FRMD4B: variants seen among roughly 807,000 people sequenced by gnomAD.
The protein encoded by FRMD4B is FERM domain containing 4B, also known as FERM domain-containing protein 4B.
A neutral mutation model predicts 141.5 loss-of-function variants in FRMD4B; 74 were observed. That is an observed-to-expected ratio of 0.52 (90% CI 0.43 to 0.63). FRMD4B has a LOEUF of 0.63. Ranked by LOEUF, FRMD4B falls within the 30% of genes least tolerant of loss-of-function variation. The pLI, the probability that FRMD4B is intolerant of heterozygous loss-of-function variation, is 0.00. For missense variants in FRMD4B, 1,366 were observed against 1,253.4 expected (o/e 1.09, Z -1.36); for synonymous variants, 506 against 467.9 (o/e 1.08, Z -1.05).
At chr3:69,351,457 T>C (rs1346315985) in intron 1 of FRMD4B, among the ~76,000 whole-genome samples, 1 of 152,196 alleles carries the variant, frequency 6.6e-6, no homozygotes, top group Non-Finnish European at 1.5e-5. Context: ...CCTAGCACTA[T>C]AGCTTTTTGT....
chr3:69,491,567 C>T (rs1178379515), intron 1 of FRMD4B, among the ~76,000 whole-genome samples: 1 of 152,118 alleles, frequency 6.6e-6, no homozygotes, highest in East Asian at 1.9e-4. Flanking sequence ...AACTTCTCTT[C>T]TGCAAAAAGA....
chr3:69,249,300 T>TAA (rs1418600527), intron 6 of FRMD4B, 52 bp from the exon 7 acceptor site: 1 of 1,272,736 alleles, frequency 7.9e-7, no homozygotes. Context: ...TTTGTTAAGC[T>TAA]AAATGAGTTT....
chr3:69,174,449 T>C (rs1333375000), intron 22 of FRMD4B, among the ~76,000 whole-genome samples: 1 of 152,188 alleles, frequency 6.6e-6, no homozygotes, highest in African/African-American at 2.4e-5. Context: ...GGGGAAAATA[T>C]GCCAAAATGT....
At chr3:69,422,385 A>G (rs1404653838) in intron 2 of FRMD4B, among the ~76,000 whole-genome samples, 2 of 151,308 alleles carry the variant, frequency 1.3e-5, no homozygotes, top group East Asian at 3.9e-4. Flanking sequence ...AGACTCTGAA[A>G]AAAAAAAAAA....
chr3:69,512,174 T>C (rs978253827), intron 1 of FRMD4B, among the ~76,000 whole-genome samples: 5 of 152,184 alleles, frequency 3.3e-5, no homozygotes, highest in Admixed American at 1.3e-4. Flanking sequence ...GAAAAGCATC[T>C]ACTCTGGCTC....
At chr3:69,336,053 T>C (rs965253238) in intron 1 of FRMD4B, among the ~76,000 whole-genome samples, 36 of 152,124 alleles carry the variant, frequency 2.4e-4, no homozygotes, top group African/African-American at 8.4e-4. Flanking sequence ...CTGAAAACTA[T>C]TGTAATACCT....
intron 1 of FRMD4B, among the ~76,000 whole-genome samples, chr3:69,443,118 T>A (rs1705364716): frequency 6.6e-6 from 1 of 152,128 alleles, no homozygotes; most frequent in African/African-American, 2.4e-5. Flanking sequence ...ACCAACCATG[T>A]GATTACAGGG....
At chr3:69,394,124 T>C (rs774215582) in intron 2 of FRMD4B, among the ~76,000 whole-genome samples, 14 of 152,226 alleles carry the variant, frequency 9.2e-5, no homozygotes, top group Non-Finnish European at 2.1e-4. Flanking sequence ...CTCACAGCTC[T>C]AGAGGCTGGG....
chr3:69,400,609 A>C (rs1054570489), intron 2 of FRMD4B, among the ~76,000 whole-genome samples: 1 of 152,214 alleles, frequency 6.6e-6, no homozygotes, highest in Non-Finnish European at 1.5e-5. Context: ...CAATCCAAGA[A>C]GGCTTTGGTG....
At chr3:69,209,606 G>C (rs1679638425) in intron 11 of FRMD4B, among the ~76,000 whole-genome samples, 1 of 152,154 alleles carries the variant, frequency 6.6e-6, no homozygotes, top group Non-Finnish European at 1.5e-5. Context: ...ATGCAGAACT[G>C]GTTCTTATTT....
intron 1 of FRMD4B, among the ~76,000 whole-genome samples, chr3:69,540,676 C>T (rs866952228): frequency 0.035 from 4,410 of 125,472 alleles, 164 homozygotes; most frequent in Non-Finnish European, 0.055. Context: ...CACACACACA[C>T]ACACACACAC....
At position 69,224,587 on chromosome 3, in the gene FRMD4B, G is replaced by C. The variant is rs1575628230; in HGVS notation, c.665+20C>G. ...TGGAGGCTATGAAAATGAGACACCT[G>C]TTATGTGGATTTGGCTTACCAGTAG... On this transcript the variant is annotated intron_variant, in intron 8 of 22. Coordinates refer to ENST00000398540, the MANE Select transcript of FRMD4B (RefSeq NM_015123.3). 1 of 1,215,110 alleles carries C rather than the reference G, an allele frequency of 8.2e-7. No homozygotes were observed. The highest frequency in any genetic ancestry group is 1.2e-6 in the Non-Finnish European group (1 of 824,372). 75.3% of individuals were successfully genotyped at this position (1,215,110 alleles called of 1,614,324 possible). A position where few individuals can be genotyped will look rare whatever the true frequency, so the allele number is the denominator to read the frequency against.
intron 5 of FRMD4B, among the ~76,000 whole-genome samples, chr3:69,280,513 T>C (rs983244090): frequency 1.3e-5 from 2 of 152,170 alleles, no homozygotes; most frequent in Non-Finnish European, 2.9e-5. Flanking sequence ...AAGCACCTTA[T>C]TAACTACCAT....
Position 69,371,866 on chromosome 3 carries a change from G to A in FRMD4B, c.162+13962C>T, listed in dbSNP as rs190943096. ...CCACTGCCTCGACCAGGCCTAGAATGTAATAGGCCCTCAGTATATATTTGT... is the reference window on the plus strand; with the variant it reads ...CCACTGCCTCGACCAGGCCTAGAATATAATAGGCCCTCAGTATATATTTGT... On this transcript the variant is annotated intron_variant, in intron 1 of 22. Coordinates refer to ENST00000398540, the MANE Select transcript of FRMD4B (RefSeq NM_015123.3). 8.5e-5 allele frequency among the ~76,000 whole-genome samples: 13 copies of A among 152,294 alleles called. No individual in the cohort carries two copies. In the East Asian group the frequency reaches 2.5e-3, roughly 29 times the overall value.
chr3:69,537,437 G>A (rs925606123), intron 1 of FRMD4B, among the ~76,000 whole-genome samples: 1 of 152,158 alleles, frequency 6.6e-6, no homozygotes, highest in Non-Finnish European at 1.5e-5. Context: ...CAAATACTTT[G>A]CTCTAAGACA....
chr3:69,368,130 T>A (rs75629880), intron 1 of FRMD4B, among the ~76,000 whole-genome samples: 26,489 of 152,148 alleles, frequency 0.17, 2,560 homozygotes, highest in African/African-American at 0.24. Context: ...TCTAGGCATC[T>A]GTTTAAGCAG....
chr3:69,197,186 G>T (rs1382029110), intron 12 of FRMD4B, 148 bp from the exon 13 acceptor site: 2 of 547,550 alleles, frequency 3.7e-6, no homozygotes, highest in Non-Finnish European at 6.4e-6. Context: ...CCAAGTTTCT[G>T]ATTTTCTCCT....
At chr3:69,303,116 C>T (rs1701271275) in intron 3 of FRMD4B, among the ~76,000 whole-genome samples, 1 of 151,776 alleles carries the variant, frequency 6.6e-6, no homozygotes, top group African/African-American at 2.4e-5. Flanking sequence ...CCAAAACAAA[C>T]AAACAAAAAA....
At chr3:69,454,910 G>C (rs1229382754) in intron 1 of FRMD4B, among the ~76,000 whole-genome samples, 1 of 152,266 alleles carries the variant, frequency 6.6e-6, no homozygotes, top group Non-Finnish European at 1.5e-5. Context: ...TGGGGACTTG[G>C]AGAACTTTCA....
Sources: allele counts gnomAD v4.1 joint callset (sites outside exome capture counted in the v4.1 genomes callset), GRCh38; gene constraint gnomAD v4.1.1; transcripts MANE v1.5; gene names NCBI Gene and HGNC (gene_info 2026-07-23, HGNC 2026-07-21).